PCDH11X: variants seen among roughly 807,000 people sequenced by gnomAD.
The protein encoded by PCDH11X is protocadherin 11 X-linked.
In PCDH11X, 18 loss-of-function variants were observed where a neutral mutation model predicts 53.3. The observed-to-expected ratio is 0.34, with a 90% confidence interval of 0.23 to 0.50. The LOEUF (loss-of-function observed/expected upper bound fraction) is 0.50. PCDH11X is among the 20% of genes least tolerant of loss of function. The pLI, the probability that PCDH11X is intolerant of heterozygous loss-of-function variation, is 0.98. For missense variants in PCDH11X, 570 were observed against 1,032.4 expected (o/e 0.55, Z 6.14); for synonymous variants, 279 against 393.3 (o/e 0.71, Z 3.44).
intron 1 of PCDH11X, among the ~76,000 whole-genome samples, chrX:91,794,805 G>C (rs57465432): frequency 0.32 from 34,258 of 107,175 alleles, 4,686 homozygotes; most frequent in African/African-American, 0.5. Context: ...CCAAATCTCA[G>C]CTTGTAGCTC....
rs1436077533 is a variant in PCDH11X at position 92,179,126 on chromosome X, C to T, written c.3034-22249C>T. 4.5e-5 allele frequency among the ~76,000 whole-genome samples: 5 copies of T among 111,984 alleles called. No homozygotes were observed. In the South Asian group the frequency reaches 1.4e-3, roughly 32 times the overall value. Reference sequence around the variant, plus strand: ...AGTCAGAAGAATAAAATAATTTGAACTAATCCAACCCAAAAGATCACATTT... The same window carrying T: ...AGTCAGAAGAATAAAATAATTTGAATTAATCCAACCCAAAAGATCACATTT... On this transcript the variant is annotated intron_variant, in intron 6 of 10. Coordinates refer to ENST00000682573, the MANE Select transcript of PCDH11X (RefSeq NM_032968.5).
At chrX:92,262,273 G>A (rs1479661624) in intron 7 of PCDH11X, among the ~76,000 whole-genome samples, 1 of 111,132 alleles carries the variant, frequency 9.0e-6, no homozygotes, top group African/African-American at 3.3e-5. Context: ...GACTCTATAA[G>A]GAACTTTTGC....
intron 6 of PCDH11X, chrX:92,113,693 C>T (rs1284467961): frequency 8.3e-7 from 1 of 1,202,765 alleles, no homozygotes; most frequent in Non-Finnish European, 1.1e-6. Context: ...AGCTTCCACT[C>T]CTCTCGTTCC....
Position 91,878,518 on chromosome X carries a change from G to A in PCDH11X, c.2278G>A (p.Asp760Asn), listed in dbSNP as rs757242272. The change falls in exon 6 of 11, where the codon GAT (aspartate) becomes AAT (asparagine). Residue 760 changes from aspartate to asparagine, a missense_variant. Coordinates refer to ENST00000682573, the MANE Select transcript of PCDH11X (RefSeq NM_032968.5). ...LVKANDLGQP[D>N]SLFSVVIVNL... is the part of the protein sequence containing the mutation. ...CAAAGCTAATGACTTAGGACAGCCTGATTCTCTCTTCAGTGTTGTAATTGT... is the reference window on the plus strand; with the variant it reads ...CAAAGCTAATGACTTAGGACAGCCTAATTCTCTCTTCAGTGTTGTAATTGT... The A allele has an allele frequency of 1.7e-6, 2 of 1,211,155 alleles. No individual in the cohort carries two copies. The highest frequency in any genetic ancestry group is 4.4e-5 in the Admixed American group (2 of 45,914).
At chrX:91,843,740 T>A (rs1359601775) in intron 5 of PCDH11X, among the ~76,000 whole-genome samples, 1 of 111,016 alleles carries the variant, frequency 9.0e-6, no homozygotes, top group Non-Finnish European at 1.9e-5. Context: ...TTTAGTAGAT[T>A]TTTACCAAGC....
intron 9 of PCDH11X, among the ~76,000 whole-genome samples, chrX:92,399,810 C>T: frequency 9.2e-6 from 1 of 109,167 alleles, no homozygotes; most frequent in Non-Finnish European, 1.9e-5. Context: ...GGCGTGATCT[C>T]GGCTCACTGC....
At chrX:91,782,982 T>C (rs760622406) in intron 1 of PCDH11X, among the ~76,000 whole-genome samples, 159 of 111,623 alleles carry the variant, frequency 1.4e-3, no homozygotes, top group African/African-American at 4.7e-3. Flanking sequence ...TAGAGGCAAC[T>C]GGCGCCTGGA....
chrX:92,007,563 G>A (rs988922852), intron 6 of PCDH11X, among the ~76,000 whole-genome samples: 4 of 112,062 alleles, frequency 3.6e-5, no homozygotes, highest in African/African-American at 6.5e-5. Context: ...GTCAAGTCCT[G>A]TAATCACAGA....
chrX:91,991,963 GTT>G (rs34012763), intron 6 of PCDH11X, among the ~76,000 whole-genome samples: 1 of 106,232 alleles, frequency 9.4e-6, no homozygotes, highest in South Asian at 4.1e-4. Flanking sequence ...TGTCACTTAA[GTT>G]TTTTTTTAAC....
At chrX:92,420,772 T>G (rs1233721143) in intron 9 of PCDH11X, among the ~76,000 whole-genome samples, 4 of 111,745 alleles carry the variant, frequency 3.6e-5, no homozygotes, top group African/African-American at 1.3e-4. Flanking sequence ...ATCTGGGCAT[T>G]GATTTCTTTG....
chrX:92,105,772 C>T (rs2064371128), intron 6 of PCDH11X, among the ~76,000 whole-genome samples: 1 of 109,927 alleles, frequency 9.1e-6, no homozygotes, highest in African/African-American at 3.3e-5. Flanking sequence ...GCCATTTACA[C>T]TTCTTTTGTG....
At chrX:92,218,616 G>A (rs1442160455) in intron 7 of PCDH11X, among the ~76,000 whole-genome samples, 3 of 111,032 alleles carry the variant, frequency 2.7e-5, no homozygotes, top group African/African-American at 9.8e-5. Context: ...TCTACCAGAG[G>A]TACAAGGAGG....
chrX:92,267,113 GTA>G (rs1206833765), intron 8 of PCDH11X, among the ~76,000 whole-genome samples: 5 of 111,722 alleles, frequency 4.5e-5, no homozygotes, highest in Admixed American at 9.5e-5. Flanking sequence ...AAATTTCCTC[GTA>G]TGAATACAAA....
intron 10 of PCDH11X, among the ~76,000 whole-genome samples, chrX:92,501,107 C>T (rs2073953037): frequency 9.3e-6 from 1 of 107,920 alleles, no homozygotes; most frequent in Non-Finnish European, 1.9e-5. Flanking sequence ...CCTCTATACA[C>T]ATAAACTAGA....
intron 10 of PCDH11X, among the ~76,000 whole-genome samples, chrX:92,567,454 C>G (rs1482070676): frequency 4.0e-5 from 4 of 98,852 alleles, no homozygotes; most frequent in African/African-American, 7.4e-5. Context: ...TATTGGAATG[C>G]TAGCGACTTT....
chrX:92,377,961 C>G (rs1485083494), intron 8 of PCDH11X, among the ~76,000 whole-genome samples: 8 of 109,754 alleles, frequency 7.3e-5, no homozygotes, highest in Admixed American at 9.8e-5. Flanking sequence ...CAGAATTGGT[C>G]TCTTATTTTT....
intron 6 of PCDH11X, among the ~76,000 whole-genome samples, chrX:91,909,422 A>G (rs1250249946): frequency 9.4e-6 from 1 of 106,740 alleles, no homozygotes; most frequent in Non-Finnish European, 1.9e-5. Flanking sequence ...CAGTCATGAG[A>G]GACCCAGCTT....
At position 92,621,057 on chromosome X, in the gene PCDH11X, A is replaced by G. The variant is rs1928444493; in HGVS notation, c.*2117A>G. ...TTGCCTCAAAAAACCTGCAAAGATG[A>G]TGTGAGATTTTTTCTTGTGTTTTAA... On this transcript the variant is annotated 3_prime_UTR_variant, in exon 11 of 11. Coordinates refer to ENST00000682573, the MANE Select transcript of PCDH11X (RefSeq NM_032968.5). 9.7e-6 allele frequency: 1 copy of G among 103,434 alleles called. No homozygotes were observed. The highest frequency in any genetic ancestry group is 1.9e-5 in the Non-Finnish European group (1 of 51,296). 8.5% of individuals were successfully genotyped at this position (103,434 alleles called of 1,213,427 possible).
At chrX:92,090,023 C>T (rs1322228172) in intron 6 of PCDH11X, among the ~76,000 whole-genome samples, 4 of 108,553 alleles carry the variant, frequency 3.7e-5, no homozygotes, top group Non-Finnish European at 7.6e-5. Flanking sequence ...TTGGTGTAAT[C>T]GAATACCTAC....
Sources: allele counts gnomAD v4.1 joint callset (sites outside exome capture counted in the v4.1 genomes callset), GRCh38; gene constraint gnomAD v4.1.1; transcripts MANE v1.5; gene names NCBI Gene and HGNC (gene_info 2026-07-23, HGNC 2026-07-21).